RIC3: variants seen among roughly 807,000 people sequenced by gnomAD.
The protein encoded by RIC3 is protein RIC-3.
A neutral mutation model predicts 27.3 loss-of-function variants in RIC3; 28 were observed. The ratio of observed to expected loss-of-function variants is 1.02; its 90% confidence interval spans 0.76 to 1.41. RIC3 has a LOEUF of 1.41. Ranked by LOEUF, RIC3 falls within the 40% of genes most tolerant of loss-of-function variation. The probability of loss-of-function intolerance (pLI) is 0.00; values close to 1 mark genes in which losing one functional copy is unlikely to be tolerated. For missense variants in RIC3, 501 were observed against 444.7 expected, an observed-to-expected ratio of 1.13 and a Z score of -1.14; for synonymous variants, 184 against 160.4, an observed-to-expected ratio of 1.15 and a Z score of -1.11.
chr11:8,106,983 A>T lies in RIC3; in HGVS notation c.*3715T>A, dbSNP rs1166393752. The T allele has an allele frequency of 6.6e-6, 1 of 152,204 alleles. No individual in the cohort carries two copies. The highest frequency in any genetic ancestry group is 1.5e-5 in the Non-Finnish European group (1 of 68,042). 9.4% of individuals were successfully genotyped at this position (152,204 alleles called of 1,614,324 possible). On this transcript the variant is annotated 3_prime_UTR_variant, in exon 6 of 6. Transcript: ENST00000309737. The stretch of plus-strand genomic sequence containing the variant: ...CTGGCACAGACACTTTATAAACAGC[A>T]TCTTATTTAATCCAAACAGCCCTGT...
At chr11:8,101,648 C>T (rs765399724), downstream of RIC3, 6 of 1,611,990 alleles carry the variant, frequency 3.7e-6, no homozygotes, top group Non-Finnish European at 5.1e-6. Context: ...TGGGGTTGCC[C>T]AGCCTGGAGC....
At chr11:8,167,640 T>TA (rs34530108) in intron 1 of RIC3, among the ~76,000 whole-genome samples, 88,775 of 134,116 alleles carry the variant, frequency 0.66, 28,611 homozygotes, top group Non-Finnish European at 0.71. Flanking sequence ...TAATGGAAAG[T>TA]AAAAAAAAAA....
intron 1 of RIC3, among the ~76,000 whole-genome samples, chr11:8,151,585 C>CAAA (rs60087055): frequency 6.5e-5 from 4 of 61,698 alleles, no homozygotes; most frequent in African/African-American, 2.2e-4. Context: ...AACTCCGTCT[C>CAAA]AAAAAAAAAA....
At chr11:8,121,106 T>C (rs942380247) in intron 5 of RIC3, among the ~76,000 whole-genome samples, 2 of 152,164 alleles carry the variant, frequency 1.3e-5, no homozygotes, top group Non-Finnish European at 2.9e-5. Context: ...AAAATAAGTA[T>C]TGATAATGTG....
chr11:8,109,161 T>C lies in RIC3; in HGVS notation c.*1537A>G, dbSNP rs1031889782. On this transcript the variant is annotated 3_prime_UTR_variant, in exon 6 of 6. Transcript: ENST00000309737. ...TAGTAGCTGACAGATTATCTTAATA[T>C]GATCCCATACCTTCTAACAGCAGTC... 1 of 152,248 alleles carries C rather than the reference T, an allele frequency of 6.6e-6. No homozygotes were observed. Among genetic ancestry groups the C allele is most frequent in the Non-Finnish European group, 1.5e-5 (1 of 68,044 alleles). The allele number at this position is 152,248 out of a possible 1,614,324, so 9.4% of individuals were successfully genotyped here.
At chr11:8,152,905 T>C (rs1304586083) in intron 1 of RIC3, among the ~76,000 whole-genome samples, 1 of 152,104 alleles carries the variant, frequency 6.6e-6, no homozygotes, top group Non-Finnish European at 1.5e-5. Flanking sequence ...CTCTGACTGA[T>C]AGGACTGTCT....
At chr11:8,147,044 G>A (rs753350968) in intron 1 of RIC3, among the ~76,000 whole-genome samples, 16 of 152,206 alleles carry the variant, frequency 1.1e-4, no homozygotes, top group African/African-American at 1.4e-4. Context: ...TGCTCACTGA[G>A]ACAGATGCAT....
chr11:8,138,436 G>T, intron 2 of RIC3, 89 bp from the exon 3 acceptor site: 13 of 714,916 alleles, frequency 1.8e-5, no homozygotes, highest in East Asian at 2.9e-5. Flanking sequence ...AAAAGGTTGG[G>T]AAACAAAAAT....
At chr11:8,111,635 G>C (rs1434639949) in intron 5 of RIC3, among the ~76,000 whole-genome samples, 1 of 152,138 alleles carries the variant, frequency 6.6e-6, no homozygotes, top group Non-Finnish European at 1.5e-5. Flanking sequence ...CAATTGAAAT[G>C]GCTTGCAAGT....
intron 1 of RIC3, among the ~76,000 whole-genome samples, chr11:8,163,038 CA>C (rs1951331679): frequency 1.4e-5 from 2 of 146,870 alleles, no homozygotes; most frequent in African/African-American, 5.1e-5. Flanking sequence ...CACACACACA[CA>C]CACACACACA....
intron 1 of RIC3, among the ~76,000 whole-genome samples, chr11:8,145,443 T>C (rs1949582359): frequency 6.6e-6 from 1 of 152,160 alleles, no homozygotes; most frequent in Non-Finnish European, 1.5e-5. Context: ...GCCCCTCAAT[T>C]TGCATGTTCT....
chr11:8,131,181 T>C (rs935511712), intron 4 of RIC3, among the ~76,000 whole-genome samples: 13 of 152,218 alleles, frequency 8.5e-5, no homozygotes, highest in African/African-American at 3.1e-4. Flanking sequence ...GAGCCTTTTA[T>C]GTGCCTGTGC....
Position 8,168,997 on chromosome 11 carries a change from C to A in RIC3, c.-8G>T, listed in dbSNP as rs369218081. ...CACTGTGGAGTACGCCATGACTGCT[C>A]ACGGTGGTCGCAGGTGCAGACGCCA... On this transcript the variant is annotated 5_prime_UTR_variant, in exon 1 of 6. Transcript: ENST00000309737. 2.6e-4 allele frequency: 405 copies of A among 1,569,312 alleles called. No homozygotes were observed. The African/African-American group carries it at 4.9e-3, about 19-fold the overall frequency.
intron 2 of RIC3, chr11:8,138,587 TA>T (rs2133884982): frequency 2.2e-6 from 1 of 458,648 alleles, no homozygotes; most frequent in East Asian, 3.6e-5. Context: ...AAAGAGACTT[TA>T]CTCCCCATAT....
Position 8,108,700 on chromosome 11 carries a change from C to CT in RIC3, c.*1997dup, listed in dbSNP as rs1323364737. 1 of 152,204 alleles carries CT rather than the reference C, an allele frequency of 6.6e-6. No individual in the cohort carries two copies. The highest frequency in any genetic ancestry group is 2.4e-5 in the African/African-American group (1 of 41,450). The allele number at this position is 152,204 out of a possible 1,614,324, so 9.4% of individuals were successfully genotyped here. ...CTTACAGGGTCATAGTTCATTTTAT[C>CT]TGTCAGGCTCTCTCTCGTCACACTG... On this transcript the variant is annotated 3_prime_UTR_variant, in exon 6 of 6. Transcript: ENST00000309737.
At chr11:8,128,750 CT>C (rs1177448703) in intron 4 of RIC3, among the ~76,000 whole-genome samples, 1,538 of 88,488 alleles carry the variant, frequency 0.017, 3 homozygotes, top group African/African-American at 0.052. Context: ...GTTGCAAAAA[CT>C]TTTTTTTTTT....
downstream of RIC3, chr11:8,104,016 G>A (rs1402493394): frequency 2.6e-5 from 4 of 152,192 alleles, no homozygotes; most frequent in African/African-American, 9.7e-5. Context: ...ACTCTGTCAG[G>A]CATTGAATGA....
chr11:8,164,614 C>CA (rs1349325397), intron 1 of RIC3, among the ~76,000 whole-genome samples: 2 of 151,456 alleles, frequency 1.3e-5, no homozygotes, highest in Non-Finnish European at 2.9e-5. Context: ...TCATTTCTGC[C>CA]AAAAAATTTA....
At chr11:8,101,711 G>A, downstream of RIC3, 1 of 1,499,252 alleles carries the variant, frequency 6.7e-7, no homozygotes, top group Non-Finnish European at 8.9e-7. Flanking sequence ...CTGTATATAG[G>A]CCTTCCGCCA....
Sources: allele counts gnomAD v4.1 joint callset (sites outside exome capture counted in the v4.1 genomes callset), GRCh38; gene constraint gnomAD v4.1.1; transcripts MANE v1.5; gene names NCBI Gene and HGNC (gene_info 2026-07-23, HGNC 2026-07-21).